The following DOK5 variants were observed in gnomAD, a reference collection of about 807,000 sequenced individuals.
DOK5 encodes downstream of tyrosine kinase 5.
Under a neutral mutation model 43.3 loss-of-function variants are expected in DOK5, and 27 were observed. The ratio of observed to expected loss-of-function variants is 0.62; its 90% CI spans 0.46 to 0.86. The LOEUF (loss-of-function observed/expected upper bound fraction) is 0.86. Ranked by LOEUF, DOK5 falls within the 40% of genes least tolerant of loss-of-function variation. The probability of loss-of-function intolerance (pLI) is 0.00; values close to 1 mark genes in which losing one functional copy is unlikely to be tolerated. For missense variants in DOK5, 373 were observed against 392.9 expected, an observed-to-expected ratio of 0.95 and a Z score of 0.43; for synonymous variants, 146 against 140.1, an observed-to-expected ratio of 1.04 and a Z score of -0.30.
chr20:54,595,723 C>A (rs374774059), intron 5 of DOK5, among the ~76,000 whole-genome samples: 145 of 152,266 alleles, frequency 9.5e-4, no homozygotes, highest in African/African-American at 3.1e-3. Flanking sequence ...TTTTGCAGGG[C>A]TGGTGCAAAC....
chr20:54,565,264 A>G (rs1264778067), intron 2 of DOK5, among the ~76,000 whole-genome samples: 2 of 152,228 alleles, frequency 1.3e-5, no homozygotes, highest in Admixed American at 6.5e-5. Flanking sequence ...TAAGAGATTG[A>G]CAATAACTAA....
chr20:54,577,943 G>A (rs1568792543), intron 2 of DOK5, among the ~76,000 whole-genome samples: 2 of 152,210 alleles, frequency 1.3e-5, no homozygotes, highest in Non-Finnish European at 2.9e-5. Context: ...AGGGCTGAGA[G>A]GGAATGAATG....
intron 1 of DOK5, among the ~76,000 whole-genome samples, chr20:54,546,385 G>A (rs1460007813): frequency 2.0e-5 from 3 of 152,188 alleles, no homozygotes; most frequent in African/African-American, 7.2e-5. Flanking sequence ...AGTCAGCACT[G>A]TGAGGATATA....
At chr20:54,534,276 C>T (rs942335386) in intron 1 of DOK5, among the ~76,000 whole-genome samples, 1 of 152,134 alleles carries the variant, frequency 6.6e-6, no homozygotes, top group African/African-American at 2.4e-5. Context: ...AGCCTTGATC[C>T]CTCTGGGCTC....
intron 1 of DOK5, among the ~76,000 whole-genome samples, chr20:54,494,347 A>G (rs1982307163): frequency 6.6e-6 from 1 of 152,176 alleles, no homozygotes. Flanking sequence ...AGCCTTTCCT[A>G]TTGGGTTTGA....
intron 1 of DOK5, among the ~76,000 whole-genome samples, chr20:54,516,698 G>A (rs575026044): frequency 4.6e-5 from 7 of 152,224 alleles, no homozygotes; most frequent in South Asian, 2.1e-4. Context: ...AGCAATATAC[G>A]ATGTAAAAAT....
intron 1 of DOK5, among the ~76,000 whole-genome samples, chr20:54,518,245 G>C (rs962604929): frequency 6.6e-6 from 1 of 151,922 alleles, no homozygotes; most frequent in Non-Finnish European, 1.5e-5. Flanking sequence ...TTTAACATTA[G>C]GTATATCTCC....
At position 54,526,820 on chromosome 20, in the gene DOK5, C is replaced by T. The variant is rs1983592934; in HGVS notation, c.67-28113C>T. ...CAGTCTTTTTTTCCCTTTCTGAATA[C>T]CAGAGAAAGAAAAGTGCAATTTCTT... On this transcript the variant is annotated intron_variant, in intron 1 of 7. Coordinates refer to ENST00000262593, the MANE Select transcript of DOK5 (RefSeq NM_018431.5). 2.0e-5 allele frequency among the ~76,000 whole-genome samples: 3 copies of T among 151,940 alleles called. No individual in the cohort carries two copies. The South Asian group carries it at 6.2e-4, about 32-fold the overall frequency.
chr20:54,525,438 A>G lies in DOK5; in HGVS notation c.67-29495A>G, dbSNP rs373105155. On this transcript the variant is annotated intron_variant, in intron 1 of 7. Coordinates refer to ENST00000262593, the MANE Select transcript of DOK5 (RefSeq NM_018431.5). ...GAGAAAACATCCATTGAAGTACCCT[A>G]AAGAGCAAGTAACATATGGTGCTTT... 4.5e-4 allele frequency among the ~76,000 whole-genome samples: 69 copies of G among 152,390 alleles called. No homozygotes were observed. The South Asian group carries it at 0.014, about 30-fold the overall frequency.
intron 5 of DOK5, among the ~76,000 whole-genome samples, chr20:54,609,955 A>G (rs1329786394): frequency 6.6e-6 from 1 of 151,908 alleles, no homozygotes; most frequent in Admixed American, 6.6e-5. Context: ...CGAGAACAGA[A>G]TCTAAGAGAC....
intron 2 of DOK5, among the ~76,000 whole-genome samples, chr20:54,582,092 T>G (rs1303088099): frequency 2.0e-5 from 3 of 152,006 alleles, no homozygotes; most frequent in African/African-American, 7.2e-5. Flanking sequence ...TGTATTGAAA[T>G]TTGTCAAATG....
chr20:54,481,093 CTATCT>C (rs1568746474), intron 1 of DOK5, among the ~76,000 whole-genome samples: 23 of 118,334 alleles, frequency 1.9e-4, no homozygotes, highest in Non-Finnish European at 3.4e-4. Flanking sequence ...CATCTACCAT[CTATCT>C]ATCTATCATC....
At chr20:54,625,526 G>A (rs1158744980) in intron 6 of DOK5, among the ~76,000 whole-genome samples, 1 of 152,206 alleles carries the variant, frequency 6.6e-6, no homozygotes, top group Non-Finnish European at 1.5e-5. Context: ...GAAATATGTA[G>A]AATTGTGTTA....
chr20:54,565,702 A>G (rs905832660), intron 2 of DOK5, among the ~76,000 whole-genome samples: 3 of 152,186 alleles, frequency 2.0e-5, no homozygotes, highest in Admixed American at 6.5e-5. Flanking sequence ...TGTCACCTGT[A>G]GGTTCTTGTA....
intron 1 of DOK5, among the ~76,000 whole-genome samples, chr20:54,476,613 C>T (rs1380774427): frequency 6.6e-6 from 1 of 152,078 alleles, no homozygotes; most frequent in African/African-American, 2.4e-5. Context: ...GGTTCGAAGC[C>T]GGGGTGGTGG....
chr20:54,619,677 G>T (rs1986923184), intron 6 of DOK5, among the ~76,000 whole-genome samples: 2 of 152,068 alleles, frequency 1.3e-5, no homozygotes, highest in South Asian at 4.1e-4. Flanking sequence ...TCACTTCTTT[G>T]TGTTTCTTTG....
At chr20:54,641,536 AATT>A (rs1979113707) in intron 6 of DOK5, among the ~76,000 whole-genome samples, 1 of 109,432 alleles carries the variant, frequency 9.1e-6, no homozygotes, top group Non-Finnish European at 1.9e-5. Flanking sequence ...TGCAATTTCT[AATT>A]ATCATCATCA....
chr20:54,576,121 A>G (rs947408732), intron 2 of DOK5, among the ~76,000 whole-genome samples: 1 of 152,204 alleles, frequency 6.6e-6, no homozygotes, highest in Non-Finnish European at 1.5e-5. Flanking sequence ...AAATATTCCC[A>G]AAATGTCAGT....
At chr20:54,506,271 A>C (rs918004283) in intron 1 of DOK5, among the ~76,000 whole-genome samples, 1 of 152,132 alleles carries the variant, frequency 6.6e-6, no homozygotes, top group Admixed American at 6.5e-5. Context: ...GAGATAGGGC[A>C]AGTTTTGGGG....
Sources: gnomAD v4.1 joint callset for allele counts (sites outside exome capture counted in the v4.1 genomes callset) on GRCh38, gnomAD v4.1.1 for gene constraint, MANE v1.5 for transcripts, NCBI Gene and HGNC (gene_info 2026-07-23, HGNC 2026-07-21) for gene names.